Variants in CDK5RAP2 observed in about 807,000 individuals in gnomAD.
CDK5RAP2 encodes CDK5 regulatory subunit associated protein 2, also known as CDK5 regulatory subunit-associated protein 2.
In CDK5RAP2, 147 loss-of-function variants were observed where a neutral mutation model predicts 232.9. That is an observed-to-expected ratio of 0.63 (90% CI 0.55 to 0.72). The LOEUF is 0.72. Ranked by LOEUF, CDK5RAP2 falls within the 30% of genes least tolerant of loss-of-function variation. The pLI, the probability that CDK5RAP2 is intolerant of heterozygous loss-of-function variation, is 0.00. For missense variants in CDK5RAP2, 2,195 were observed against 2,231.5 expected, an observed-to-expected ratio of 0.98 and a Z score of 0.33; for synonymous variants, 833 against 833.7, an observed-to-expected ratio of 1.00 and a Z score of 0.01.
At chr9:120,524,389 C>T (rs1395018511) in intron 11 of CDK5RAP2, among the ~76,000 whole-genome samples, 2 of 152,186 alleles carry the variant, frequency 1.3e-5, no homozygotes, top group Non-Finnish European at 2.9e-5. Context: ...TCCTGTAATT[C>T]CAGCACTTTG....
chr9:120,515,381 T>C (rs949490807), intron 12 of CDK5RAP2, among the ~76,000 whole-genome samples: 2 of 152,256 alleles, frequency 1.3e-5, no homozygotes, highest in Non-Finnish European at 2.9e-5. Context: ...ATCTTTTGCA[T>C]TGAGTACAGG....
At chr9:120,395,466 C>CCA (rs1334453126) in intron 35 of CDK5RAP2, among the ~76,000 whole-genome samples, 2 of 152,226 alleles carry the variant, frequency 1.3e-5, no homozygotes, top group Non-Finnish European at 2.9e-5. Context: ...GGTGGCAAAA[C>CCA]CAGAGTCCCC....
chr9:120,562,217 G>A (rs796572886), intron 3 of CDK5RAP2, among the ~76,000 whole-genome samples: 50 of 152,226 alleles, frequency 3.3e-4, no homozygotes, highest in African/African-American at 1.2e-3. Context: ...GGGCTCAAGA[G>A]TAATTTTATA....
chr9:120,533,208 C>G (rs1484094334), intron 7 of CDK5RAP2, among the ~76,000 whole-genome samples: 20 of 152,166 alleles, frequency 1.3e-4, no homozygotes, highest in Admixed American at 1.3e-3. Context: ...CCCTCCCACA[C>G]TGAGAGCACC....
At chr9:120,424,616 C>G (rs577824715) in intron 25 of CDK5RAP2, among the ~76,000 whole-genome samples, 1 of 152,128 alleles carries the variant, frequency 6.6e-6, no homozygotes, top group African/African-American at 2.4e-5. Context: ...AGTGCCAGCC[C>G]AGCCTTCCAA....
At chr9:120,501,383 T>C (rs2039568752) in intron 12 of CDK5RAP2, among the ~76,000 whole-genome samples, 2 of 152,224 alleles carry the variant, frequency 1.3e-5, no homozygotes, top group Admixed American at 1.3e-4. Context: ...TGGAACCTCC[T>C]AATATAGTAT....
chr9:120,554,244 C>A (rs2042144926), intron 3 of CDK5RAP2, among the ~76,000 whole-genome samples: 1 of 152,112 alleles, frequency 6.6e-6, no homozygotes, highest in Non-Finnish European at 1.5e-5. Flanking sequence ...ATATTTGTAC[C>A]ATATAAATTT....
At chr9:120,562,893 T>C (rs7864166) in intron 3 of CDK5RAP2, among the ~76,000 whole-genome samples, 19,217 of 152,088 alleles carry the variant, frequency 0.13, 1,712 homozygotes, top group East Asian at 0.29. Context: ...AACCAAAATT[T>C]GGAGCTTTAG....
intron 15 of CDK5RAP2, among the ~76,000 whole-genome samples, chr9:120,474,723 AAT>A (rs1367868303): frequency 6.6e-6 from 1 of 152,186 alleles, no homozygotes; most frequent in Non-Finnish European, 1.5e-5. Context: ...GTGAAGAATA[AAT>A]AGTAAAAGTG....
chr9:120,419,654 G>A lies in CDK5RAP2; in HGVS notation c.4177+134C>T, dbSNP rs184974803. On this transcript the variant is annotated intron_variant, in intron 27 of 37. Transcript: ENST00000349780. ...TGATAAAGGATACTCTGAATGACCA[G>A]CATTGGCCCTAATGGGATCTCCTTT... 42 of 764,728 alleles carry A rather than the reference G, an allele frequency of 5.5e-5. No homozygotes were observed. The African/African-American group carries it at 6.3e-4, about 11-fold the overall frequency. The allele number at this position is 764,728 out of a possible 1,614,324, so 47.4% of individuals were successfully genotyped here.
At chr9:120,440,258 C>A (rs767398949) in intron 23 of CDK5RAP2, 136 of 454,486 alleles carry the variant, frequency 3.0e-4, no homozygotes, top group Non-Finnish European at 4.7e-4. Flanking sequence ...ACACACACAC[C>A]CCCTAAAATT....
intron 32 of CDK5RAP2, 185 bp downstream of exon 32, chr9:120,406,827 G>A (rs982334277): frequency 5.0e-6 from 3 of 597,230 alleles, no homozygotes; most frequent in African/African-American, 3.7e-5. Flanking sequence ...TGGAGATTAC[G>A]CCACTTTGCC....
chr9:120,445,752 G>A (rs1390186199), intron 22 of CDK5RAP2, among the ~76,000 whole-genome samples: 2 of 152,168 alleles, frequency 1.3e-5, no homozygotes, highest in Non-Finnish European at 2.9e-5. Context: ...TCCTGGACCT[G>A]GTTGCTATGG....
chr9:120,560,422 G>GCCTGTGTTCTCAAA (rs2042420909), intron 3 of CDK5RAP2, among the ~76,000 whole-genome samples: 1 of 151,978 alleles, frequency 6.6e-6, no homozygotes, highest in Admixed American at 6.5e-5. Context: ...GCTGTCTCAA[G>GCCTGTGTTCTCAAA]GCCTGTGTTC....
chr9:120,543,577 G>T (rs910205421), intron 5 of CDK5RAP2, among the ~76,000 whole-genome samples: 1 of 152,060 alleles, frequency 6.6e-6, no homozygotes, highest in African/African-American at 2.4e-5. Context: ...TCCCCTACCT[G>T]GCTGGGTGCA....
intron 14 of CDK5RAP2, among the ~76,000 whole-genome samples, chr9:120,486,959 T>A (rs1414217079): frequency 6.6e-6 from 1 of 152,198 alleles, no homozygotes; most frequent in Non-Finnish European, 1.5e-5. Context: ...AGGAAGGGCC[T>A]GCTGTGCCAT....
At chr9:120,545,289 G>C (rs921972560) in intron 5 of CDK5RAP2, among the ~76,000 whole-genome samples, 1 of 152,182 alleles carries the variant, frequency 6.6e-6, no homozygotes, top group African/African-American at 2.4e-5. Flanking sequence ...ATATATTGTT[G>C]AGGAAAGAAG....
chr9:120,467,974 C>A lies in CDK5RAP2; in HGVS notation c.1992G>T (p.Val664=). The change falls in exon 18 of 38, where the codon GTG becomes GTT. Residue 664 remains valine, a synonymous_variant. Coordinates refer to ENST00000349780, the MANE Select transcript of CDK5RAP2 (RefSeq NM_018249.6). ...GCTGGTTGTCTGTATACAGCTCCTT[C>A]ACTAGCTGTATAAGGTCACTGACCT... ...KKKVSDLIQL[V]KELYTDNQHL... The A allele has an allele frequency of 1.2e-6, 2 of 1,614,010 alleles. No individual in the cohort carries two copies. The highest frequency in any genetic ancestry group is 2.7e-5 in the African/African-American group (2 of 75,026).
intron 3 of CDK5RAP2, among the ~76,000 whole-genome samples, chr9:120,553,921 T>G (rs938629267): frequency 6.6e-6 from 1 of 152,138 alleles, no homozygotes; most frequent in Non-Finnish European, 1.5e-5. Context: ...GCCATCACAC[T>G]TGGCCTCATT....
Sources: gnomAD v4.1 joint callset for allele counts (sites outside exome capture counted in the v4.1 genomes callset) on GRCh38, gnomAD v4.1.1 for gene constraint, MANE v1.5 for transcripts, NCBI Gene and HGNC (gene_info 2026-07-23, HGNC 2026-07-21) for gene names.